The following LPCAT3 variants were observed in gnomAD, a reference collection of about 807,000 sequenced individuals.
The protein encoded by LPCAT3 is lysophosphatidylcholine acyltransferase 3.
Under a neutral mutation model 63.4 loss-of-function variants are expected in LPCAT3, and 21 were observed. The observed-to-expected ratio is 0.33, with a 90% CI of 0.23 to 0.48. The LOEUF (loss-of-function observed/expected upper bound fraction) is 0.48. LPCAT3 is among the 20% of genes least tolerant of loss of function. The pLI is 0.99. For synonymous variants in LPCAT3, 242 were observed against 227.5 expected (o/e 1.06, Z -0.58); for missense variants, 451 against 590.6 (o/e 0.76, Z 2.45).
At chr12:7,014,047 TG>T (rs1316180024) in intron 1 of LPCAT3, among the ~76,000 whole-genome samples, 1 of 152,274 alleles carries the variant, frequency 6.6e-6, no homozygotes, top group Admixed American at 6.5e-5. Flanking sequence ...TCAGTGCCTC[TG>T]CTCATGCTAT....
chr12:6,978,563 G>T, intron 8 of LPCAT3, 40 bp downstream of exon 8: 1 of 1,613,404 alleles, frequency 6.2e-7, no homozygotes, highest in Non-Finnish European at 8.5e-7. Context: ...GGCCCCCATG[G>T]CTTGTCTAAA....
intron 1 of LPCAT3, 76 bp from the exon 2 acceptor site, chr12:6,983,615 C>A: frequency 1.2e-6 from 1 of 858,548 alleles, no homozygotes; most frequent in Non-Finnish European, 1.9e-6. Context: ...GTTTATCTGG[C>A]ATGAAACGCA....
chr12:6,983,263 A>G, intron 2 of LPCAT3, 169 bp downstream of exon 2: 1 of 585,578 alleles, frequency 1.7e-6, no homozygotes, highest in Non-Finnish European at 3.1e-6. Flanking sequence ...AATGTACATA[A>G]AAGAAAAAAA....
chr12:6,987,497 A>G lies in LPCAT3; in HGVS notation c.152-3958T>C, dbSNP rs1946540994. Among the ~76,000 whole-genome samples the G allele has an allele frequency of 6.6e-6, 1 of 152,262 alleles. No homozygotes were observed. The highest frequency in any genetic ancestry group is 2.1e-4 in the South Asian group (1 of 4,836). On this transcript the variant is annotated intron_variant, in intron 1 of 12. Transcript: ENST00000261407. This position sits in a 1 kb window ranked among gnomAD's most constrained non-coding sequence, Gnocchi z 4.1. ...GGCAGAGACAGAACACCAGGTTAGCAGCAAATATTGCTAAGAACTAGAGCC... is the reference window on the plus strand; with the variant it reads ...GGCAGAGACAGAACACCAGGTTAGCGGCAAATATTGCTAAGAACTAGAGCC...
At chr12:6,994,843 A>C (rs1555155875) in intron 1 of LPCAT3, among the ~76,000 whole-genome samples, 1 of 152,140 alleles carries the variant, frequency 6.6e-6, no homozygotes, top group Non-Finnish European at 1.5e-5. Flanking sequence ...TCTTTCACCG[A>C]AGGCATTTTT....
intron 2 of LPCAT3, chr12:6,983,183 A>C: frequency 2.2e-6 from 1 of 458,670 alleles, no homozygotes; most frequent in South Asian, 2.2e-5. Context: ...AGCACAGAGA[A>C]ACTGAGGATT....
At chr12:6,991,237 CACAG>C (rs782564187) in intron 1 of LPCAT3, among the ~76,000 whole-genome samples, 2 of 152,162 alleles carry the variant, frequency 1.3e-5, no homozygotes, top group Non-Finnish European at 2.9e-5. Flanking sequence ...TCTGGCTTTA[CACAG>C]ACAGAGAAAG....
At chr12:6,991,652 T>C (rs1317833192) in intron 1 of LPCAT3, among the ~76,000 whole-genome samples, 1 of 152,206 alleles carries the variant, frequency 6.6e-6, no homozygotes, top group Non-Finnish European at 1.5e-5. Context: ...TTGTCATTTG[T>C]TTACCTTGAA....
At chr12:6,992,739 TTC>T (rs1946600615) in intron 1 of LPCAT3, among the ~76,000 whole-genome samples, 2 of 152,208 alleles carry the variant, frequency 1.3e-5, no homozygotes, top group East Asian at 1.9e-4. Context: ...TTTTTGAAAC[TTC>T]TCTTTCACTG....
intron 1 of LPCAT3, among the ~76,000 whole-genome samples, chr12:7,004,211 AT>A (rs1248841426): frequency 6.6e-6 from 1 of 152,110 alleles, no homozygotes; most frequent in African/African-American, 2.4e-5. Flanking sequence ...ACAAAGAAAA[AT>A]TTGTTTTGTC....
At chr12:7,011,797 G>T (rs2138361686) in intron 1 of LPCAT3, among the ~76,000 whole-genome samples, 1 of 152,288 alleles carries the variant, frequency 6.6e-6, no homozygotes, top group Non-Finnish European at 1.5e-5. Context: ...AAGGGTCCTT[G>T]AAAGTCATTT....
chr12:7,009,824 A>T (rs1439929233), intron 1 of LPCAT3, among the ~76,000 whole-genome samples: 1 of 152,214 alleles, frequency 6.6e-6, no homozygotes, highest in Non-Finnish European at 1.5e-5. Context: ...GAAATAGAAA[A>T]TTTCTTTGAT....
At chr12:7,002,882 G>A (rs996494626) in intron 1 of LPCAT3, among the ~76,000 whole-genome samples, 1 of 152,094 alleles carries the variant, frequency 6.6e-6, no homozygotes, top group African/African-American at 2.4e-5. Context: ...GGTGGCGGGC[G>A]CCTGTAATCC....
At chr12:6,999,427 T>C (rs782730448) in intron 1 of LPCAT3, among the ~76,000 whole-genome samples, 2 of 152,284 alleles carry the variant, frequency 1.3e-5, no homozygotes, top group East Asian at 3.9e-4. Context: ...GGTTAAGAAA[T>C]GTTAGTTTTT....
intron 1 of LPCAT3, among the ~76,000 whole-genome samples, chr12:6,985,705 ACT>A (rs1308563534): frequency 6.6e-6 from 1 of 150,990 alleles, no homozygotes; most frequent in African/African-American, 2.4e-5. Context: ...ACAGAGCGAG[ACT>A]CTGTCTCAAA....
chr12:6,978,355 G>GAGC lies in LPCAT3; in HGVS notation c.1025_1026insGCT (p.Asn342delinsLysLeu), dbSNP rs1565596636. 1.2e-6 allele frequency: 2 copies of GAGC among 1,611,090 alleles called. No homozygotes were observed. The highest frequency in any genetic ancestry group is 1.7e-6 in the Non-Finnish European group (2 of 1,178,344). On this transcript the variant is annotated protein_altering_variant, in exon 9 of 13. Coordinates refer to ENST00000261407, the MANE Select transcript of LPCAT3 (RefSeq NM_005768.6). ...CAGCAGCTCACCGGGCCACCCAGGC[G>GAGC]TTGGTGTTGATGTTGAATGAGGCAA...
rs1565595258 is a variant in LPCAT3, at chr12:6,976,281, TGGGGGGGGTGGTGG to T, written c.*609_*622del. The T allele has an allele frequency of 6.6e-6, 1 of 152,448 alleles. No individual in the cohort carries two copies. The highest frequency in any genetic ancestry group is 1.5e-5 in the Non-Finnish European group (1 of 68,696). 9.4% of individuals were successfully genotyped at this position (152,448 alleles called of 1,614,324 possible). On this transcript the variant is annotated 3_prime_UTR_variant, in exon 13 of 13. Transcript: ENST00000261407. ...CCTTGCACCCCTCTCCACCCCCCCA[TGGGGGGGGTGGTGG>T]TAGCGGCACATACACAATCATAGTA...
intron 1 of LPCAT3, among the ~76,000 whole-genome samples, chr12:6,996,248 G>A (rs1358087892): frequency 6.6e-6 from 1 of 152,160 alleles, no homozygotes; most frequent in African/African-American, 2.4e-5. Flanking sequence ...TGCCTGGAAG[G>A]CTCTTTGCAC....
intron 1 of LPCAT3, chr12:7,001,363 G>A (rs1335629184): frequency 8.9e-6 from 4 of 451,836 alleles, no homozygotes; most frequent in Non-Finnish European, 1.8e-5. Flanking sequence ...ATAAGCTTCA[G>A]ATCCCAGAAA....
Sources: gnomAD v4.1 joint callset for allele counts (sites outside exome capture counted in the v4.1 genomes callset) on GRCh38, gnomAD v4.1.1 for gene constraint, Gnocchi (gnomAD v3.1) non-coding constraint, MANE v1.5 for transcripts, NCBI Gene and HGNC (gene_info 2026-07-23, HGNC 2026-07-21) for gene names.